The following GRAMD1B variants were observed in gnomAD, a reference collection of about 807,000 sequenced individuals.
GRAMD1B encodes GRAM domain containing 1B.
A neutral mutation model predicts 99.7 loss-of-function variants in GRAMD1B; 37 were observed. That is an observed-to-expected ratio of 0.37 (90% CI 0.29 to 0.49). The LOEUF (loss-of-function observed/expected upper bound fraction) is 0.49, where lower values mean the gene tolerates loss of function less well. Ranked by LOEUF, GRAMD1B falls within the 20% of genes least tolerant of loss-of-function variation. The probability of loss-of-function intolerance (pLI) is 0.98; values close to 1 mark genes in which losing one functional copy is unlikely to be tolerated. For missense variants in GRAMD1B, 888 were observed against 1,009.2 expected (o/e 0.88, Z 1.63); for synonymous variants, 427 against 387.6 (o/e 1.10, Z -1.19).
At chr11:123,561,245 G>T (rs911005023) in intron 2 of GRAMD1B, among the ~76,000 whole-genome samples, 4 of 152,174 alleles carry the variant, frequency 2.6e-5, no homozygotes, top group African/African-American at 9.7e-5. Context: ...CAGGCCATGT[G>T]CTCCTGTTCT....
At chr11:123,422,595 C>CT (rs751685770) in intron 1 of GRAMD1B, among the ~76,000 whole-genome samples, 2 of 152,184 alleles carry the variant, frequency 1.3e-5, no homozygotes, top group Non-Finnish European at 2.9e-5. Context: ...GTTTTTAAAA[C>CT]TTTTTCATTA....
chr11:123,545,920 T>C (rs1186883616), intron 2 of GRAMD1B, among the ~76,000 whole-genome samples: 1 of 152,224 alleles, frequency 6.6e-6, no homozygotes, highest in African/African-American at 2.4e-5. Flanking sequence ...GCGTGACTTG[T>C]TCTGCAAAGG....
chr11:123,418,152 G>A (rs995120866), intron 1 of GRAMD1B, among the ~76,000 whole-genome samples: 1 of 152,170 alleles, frequency 6.6e-6, no homozygotes, highest in African/African-American at 2.4e-5. Flanking sequence ...CAGACATTTT[G>A]GGGAAATAAA....
At chr11:123,427,261 C>G (rs927694654), upstream of GRAMD1B, among the ~76,000 whole-genome samples, 1 of 152,130 alleles carries the variant, frequency 6.6e-6, no homozygotes, top group African/African-American at 2.4e-5. Flanking sequence ...TTTTGGAGGC[C>G]TCTAAACTGG....
intron 1 of GRAMD1B, among the ~76,000 whole-genome samples, chr11:123,474,135 C>G (rs368684346): frequency 6.6e-6 from 1 of 152,220 alleles, no homozygotes. Context: ...ACTGAATACT[C>G]AGTGTAATAG....
At chr11:123,583,829 C>T (rs1346551048) in intron 3 of GRAMD1B, among the ~76,000 whole-genome samples, 1 of 152,178 alleles carries the variant, frequency 6.6e-6, no homozygotes, top group African/African-American at 2.4e-5. Context: ...TTTACTCACC[C>T]GCCTGCTGAG....
At chr11:123,619,921 G>T (rs1954912165) in intron 19 of GRAMD1B, among the ~76,000 whole-genome samples, 1 of 152,098 alleles carries the variant, frequency 6.6e-6, no homozygotes, top group Non-Finnish European at 1.5e-5. Flanking sequence ...ATAGACTCAG[G>T]ATTTATCCTG....
intron 2 of GRAMD1B, among the ~76,000 whole-genome samples, chr11:123,519,146 C>T (rs1382131216): frequency 6.6e-6 from 1 of 152,168 alleles, no homozygotes; most frequent in East Asian, 1.9e-4. Context: ...ATAAGGGTAC[C>T]AAGGACAGGA....
At chr11:123,396,152 T>C (rs1947452313) in intron 1 of GRAMD1B, among the ~76,000 whole-genome samples, 1 of 151,884 alleles carries the variant, frequency 6.6e-6, no homozygotes, top group Non-Finnish European at 1.5e-5. Flanking sequence ...AAAGTCCTCT[T>C]GCTGCTTCCC....
chr11:123,509,240 G>A (rs1465679295), intron 2 of GRAMD1B, among the ~76,000 whole-genome samples: 1 of 152,116 alleles, frequency 6.6e-6, no homozygotes, highest in East Asian at 1.9e-4. Context: ...CTGCAAAATG[G>A]GAGCTGAAGC....
At chr11:123,489,791 T>C (rs1381115318) in intron 2 of GRAMD1B, among the ~76,000 whole-genome samples, 1 of 152,244 alleles carries the variant, frequency 6.6e-6, no homozygotes, top group Non-Finnish European at 1.5e-5. Context: ...CACTTTTTTA[T>C]AATCTCTGAA....
At chr11:123,464,979 C>G (rs1180594464) in intron 1 of GRAMD1B, among the ~76,000 whole-genome samples, 1 of 151,990 alleles carries the variant, frequency 6.6e-6, no homozygotes, top group Non-Finnish European at 1.5e-5. Flanking sequence ...TTTGGACAGG[C>G]TGTGCGATGA....
chr11:123,561,236 A>G (rs745555913), intron 2 of GRAMD1B, among the ~76,000 whole-genome samples: 5 of 152,126 alleles, frequency 3.3e-5, no homozygotes, highest in Non-Finnish European at 7.4e-5. Context: ...AGGTGTGGAC[A>G]GGCCATGTGC....
chr11:123,608,812 G>T lies in GRAMD1B; in HGVS notation c.1657+10G>T, dbSNP rs973213906. 5 of 1,515,508 alleles carry T rather than the reference G, an allele frequency of 3.3e-6. No individual in the cohort carries two copies. Among genetic ancestry groups the T allele is most frequent in the Non-Finnish European group, 4.5e-6 (5 of 1,117,958 alleles). The allele number at this position is 1,515,508 out of a possible 1,614,324, so 93.9% of individuals were successfully genotyped here. A position where few individuals can be genotyped will look rare whatever the true frequency, so the allele number is the denominator to read the frequency against. On this transcript the variant is annotated intron_variant, in intron 12 of 19. Transcript: ENST00000635736. The stretch of plus-strand genomic sequence containing the variant: ...CAGCGGCGCTTCTCTGGTCCGTTCT[G>T]CTGGGACTGTACCCCCCATTCCTCC...
chr11:123,402,451 T>C (rs1021360319), intron 1 of GRAMD1B, among the ~76,000 whole-genome samples: 3 of 152,094 alleles, frequency 2.0e-5, no homozygotes, highest in Admixed American at 1.3e-4. Context: ...GAGTACGAGG[T>C]GTGTGTCAGA....
At chr11:123,485,779 A>T (rs1195685478) in intron 2 of GRAMD1B, among the ~76,000 whole-genome samples, 1 of 145,166 alleles carries the variant, frequency 6.9e-6, no homozygotes, top group Non-Finnish European at 1.5e-5. Context: ...TAGTGGCATG[A>T]TCTTGGCTCA....
intron 3 of GRAMD1B, 85 bp downstream of exon 3, chr11:123,577,662 G>T (rs1948872608): frequency 9.7e-7 from 1 of 1,027,654 alleles, no homozygotes; most frequent in Non-Finnish European, 1.5e-6. Flanking sequence ...GAACATCTGC[G>T]AGGGTCCTCA....
rs1427583906 is a variant in GRAMD1B, at chr11:123,567,293, A to G, written c.453-10074A>G. Among the ~76,000 whole-genome samples the G allele has an allele frequency of 3.3e-5, 5 of 152,248 alleles. No homozygotes were observed. In the East Asian group the frequency reaches 9.6e-4, roughly 29 times the overall value. ...TCTATAAGAAGTTGGATAGCTGGTC[A>G]TTAAATCCTTCTCTTAGGGGATATG... On this transcript the variant is annotated intron_variant, in intron 2 of 19. Transcript: ENST00000635736.
chr11:123,574,790 T>C (rs554342977), intron 2 of GRAMD1B, among the ~76,000 whole-genome samples: 1 of 152,100 alleles, frequency 6.6e-6, no homozygotes, highest in East Asian at 1.9e-4. Context: ...CGGAAGCAGG[T>C]AGAGGAGTCT....
Sources: gnomAD v4.1 joint callset for allele counts (sites outside exome capture counted in the v4.1 genomes callset) on GRCh38, gnomAD v4.1.1 for gene constraint, MANE v1.5 for transcripts, NCBI Gene and HGNC (gene_info 2026-07-23, HGNC 2026-07-21) for gene names.